The following TNFAIP8 variants were observed in gnomAD, a reference collection of about 807,000 sequenced individuals.
TNFAIP8 encodes the protein TNF alpha induced protein 8.
In TNFAIP8, 7 loss-of-function variants were observed where a neutral mutation model predicts 13.3. The observed-to-expected ratio is 0.52, with a 90% confidence interval of 0.30 to 0.99. TNFAIP8 has a LOEUF of 0.99. TNFAIP8 is among the 50% of genes least tolerant of loss of function. The pLI is 0.07. For synonymous variants in TNFAIP8, 94 were observed against 87.6 expected, an observed-to-expected ratio of 1.07 and a Z score of -0.41; for missense variants, 258 against 236.9, an observed-to-expected ratio of 1.09 and a Z score of -0.58.
chr5:119,269,258 C>T (rs960849039), intron 1 of TNFAIP8, among the ~76,000 whole-genome samples: 3 of 152,186 alleles, frequency 2.0e-5, no homozygotes, highest in Admixed American at 6.5e-5. Flanking sequence ...CGCTATTTGT[C>T]ACGTCCTCCT....
intron 1 of TNFAIP8, among the ~76,000 whole-genome samples, chr5:119,316,773 C>T (rs531246040): frequency 6.6e-6 from 1 of 152,290 alleles, no homozygotes; most frequent in East Asian, 1.9e-4. Flanking sequence ...AACCAGTGCT[C>T]GAGAACATGG....
At chr5:119,356,818 TGTTA>T (rs1751443934) in intron 1 of TNFAIP8, among the ~76,000 whole-genome samples, 1 of 151,960 alleles carries the variant, frequency 6.6e-6, no homozygotes, top group South Asian at 2.1e-4. Context: ...TATACGCTGG[TGTTA>T]GTTTGGGGAG....
At chr5:119,339,464 T>G (rs1478330447) in intron 1 of TNFAIP8, among the ~76,000 whole-genome samples, 5 of 151,222 alleles carry the variant, frequency 3.3e-5, no homozygotes, top group Non-Finnish European at 7.4e-5. Flanking sequence ...GGTGTTTTTT[T>G]TTTTTTTTTT....
upstream of TNFAIP8, among the ~76,000 whole-genome samples, chr5:119,353,580 C>T (rs535234247): frequency 1.5e-4 from 23 of 152,344 alleles, no homozygotes; most frequent in African/African-American, 5.1e-4. Flanking sequence ...AGAAGTTTCT[C>T]TCCAGGCTTC....
At chr5:119,325,470 C>T (rs1042858147) in intron 1 of TNFAIP8, among the ~76,000 whole-genome samples, 17 of 152,158 alleles carry the variant, frequency 1.1e-4, no homozygotes, top group Admixed American at 2.0e-4. Context: ...ATTTTTGAGA[C>T]GGAGTCTCAC....
chr5:119,351,026 GTGTGTGTGT>G (rs1562012694), upstream of TNFAIP8, among the ~76,000 whole-genome samples: 247 of 143,684 alleles, frequency 1.7e-3, 1 homozygote, highest in African/African-American at 6.7e-3. Flanking sequence ...GTGTGTGTGT[GTGTGTGTGT>G]AGAGAGAGAG....
chr5:119,275,408 A>C (rs896556351), intron 1 of TNFAIP8, among the ~76,000 whole-genome samples: 14 of 152,156 alleles, frequency 9.2e-5, no homozygotes, highest in African/African-American at 3.1e-4. Context: ...TGGTTTGTAG[A>C]TACTGAACTG....
intron 1 of TNFAIP8, among the ~76,000 whole-genome samples, chr5:119,291,421 A>G (rs1748982791): frequency 6.6e-6 from 1 of 152,232 alleles, no homozygotes; most frequent in South Asian, 2.1e-4. Context: ...GATTCGATTT[A>G]CGTAAGTGGA....
intron 1 of TNFAIP8, among the ~76,000 whole-genome samples, chr5:119,331,224 G>C (rs1424591142): frequency 6.6e-6 from 1 of 150,628 alleles, no homozygotes; most frequent in African/African-American, 2.5e-5. Context: ...TATCTACAAA[G>C]AGATATTAGC....
chr5:119,357,805 A>G (rs1368811626), intron 1 of TNFAIP8, among the ~76,000 whole-genome samples: 1 of 152,146 alleles, frequency 6.6e-6, no homozygotes, highest in African/African-American at 2.4e-5. Context: ...TTCTTTTAAA[A>G]TAATCTGAGG....
chr5:119,377,943 C>T (rs980340186), intron 1 of TNFAIP8, among the ~76,000 whole-genome samples: 5 of 151,914 alleles, frequency 3.3e-5, no homozygotes, highest in Admixed American at 2.6e-4. Context: ...GTGTAGATGG[C>T]CAGGAGGGAT....
rs2112785061 is a variant in TNFAIP8 at position 119,360,048 on chromosome 5, T to C, written c.31+3927T>C. 1.3e-5 allele frequency among the ~76,000 whole-genome samples: 2 copies of C among 152,374 alleles called. 1 individual carries two copies. The highest frequency in any genetic ancestry group is 4.1e-4 in the South Asian group (2 of 4,832). ...TGGCATTGCCAGACACCTCCAGCTC[T>C]GTAAACTTAAATGCATTTGGAGCTT... On this transcript the variant is annotated intron_variant, in intron 1 of 1. Coordinates refer to ENST00000504771, the MANE Select transcript of TNFAIP8 (RefSeq NM_014350.4).
chr5:119,383,951 T>G (rs1263421426), intron 1 of TNFAIP8, among the ~76,000 whole-genome samples: 1 of 152,232 alleles, frequency 6.6e-6, no homozygotes, highest in African/African-American at 2.4e-5. Flanking sequence ...TTCTTTCATC[T>G]TACTTCACTT....
At chr5:119,284,603 C>G (rs868606264) in intron 1 of TNFAIP8, among the ~76,000 whole-genome samples, 1 of 152,018 alleles carries the variant, frequency 6.6e-6, no homozygotes, top group South Asian at 2.1e-4. Context: ...ATCGCTTGAA[C>G]CCAGGATGAG....
chr5:119,377,862 A>G (rs1264374849), intron 1 of TNFAIP8, among the ~76,000 whole-genome samples: 1 of 152,216 alleles, frequency 6.6e-6, no homozygotes, highest in African/African-American at 2.4e-5. Context: ...CTGAAATATA[A>G]TCACATTTAT....
At chr5:119,335,969 G>A (rs993367109) in intron 1 of TNFAIP8, among the ~76,000 whole-genome samples, 1 of 152,056 alleles carries the variant, frequency 6.6e-6, no homozygotes, top group Non-Finnish European at 1.5e-5. Flanking sequence ...CACCTGAGAA[G>A]TGTGAGGAAG....
chr5:119,367,054 CT>C (rs1260694827), intron 1 of TNFAIP8, among the ~76,000 whole-genome samples: 1 of 152,156 alleles, frequency 6.6e-6, no homozygotes, highest in Non-Finnish European at 1.5e-5. Flanking sequence ...GAGAGGCAGC[CT>C]AGCTGAGCCC....
chr5:119,332,659 G>A (rs1750422034), intron 1 of TNFAIP8, among the ~76,000 whole-genome samples: 1 of 152,196 alleles, frequency 6.6e-6, no homozygotes, highest in South Asian at 2.1e-4. Context: ...AAGAGATTGA[G>A]ATCATACATA....
chr5:119,293,979 C>A (rs2112635573), intron 1 of TNFAIP8, among the ~76,000 whole-genome samples: 1 of 152,254 alleles, frequency 6.6e-6, no homozygotes, highest in East Asian at 1.9e-4. Flanking sequence ...TTCATTGGAA[C>A]CAAATCCATA....
Sources: allele counts gnomAD v4.1 joint callset (sites outside exome capture counted in the v4.1 genomes callset), GRCh38; gene constraint gnomAD v4.1.1; transcripts MANE v1.5; gene names NCBI Gene and HGNC (gene_info 2026-07-23, HGNC 2026-07-21).